The following OR1R1 variants were observed in gnomAD, a reference collection of about 807,000 sequenced individuals.
OR1R1 encodes olfactory receptor 1R1.
the OR1R1 span, chr17:3,386,311 C>G: frequency 1.3e-5 from 5 of 398,288 alleles, no homozygotes; most frequent in Non-Finnish European, 2.2e-5. Context: ...GGCGGCGTGC[C>G]GGCCCCTGCG....
At chr17:3,386,372 C>T in the OR1R1 span, 3 of 398,352 alleles carry the variant, frequency 7.5e-6, no homozygotes, top group African/African-American at 2.1e-5. Context: ...GTGCGTGCGT[C>T]GTGGGCCGTG....
At chr17:3,386,391 G>C in the OR1R1 span, 1 of 398,434 alleles carries the variant, frequency 2.5e-6, no homozygotes, top group Non-Finnish European at 4.4e-6. Context: ...TGACGCACCT[G>C]CACTCGCTGC....
the OR1R1 span, chr17:3,386,352 C>T: frequency 2.5e-6 from 1 of 398,350 alleles, no homozygotes; most frequent in Admixed American, 4.4e-5. Context: ...CATGGCGCTG[C>T]GCCTCGCTGG....
At chr17:3,385,973 T>C in the OR1R1 span, 1 of 384,976 alleles carries the variant, frequency 2.6e-6, no homozygotes. Flanking sequence ...TTCCTCCTCC[T>C]CGGCCTGGTG....
chr17:3,386,267 A>T, the OR1R1 span: 2 of 398,202 alleles, frequency 5.0e-6, no homozygotes, highest in Non-Finnish European at 8.8e-6. Context: ...ACCGAGAGCT[A>T]CCTCCTGGCG....
chr17:3,386,722 G>A, the OR1R1 span: 1 of 398,624 alleles, frequency 2.5e-6, no homozygotes, highest in Non-Finnish European at 4.4e-6. Context: ...GCCGTCGTCT[G>A]CCTACTCAGC....
At chr17:3,385,975 G>C in the OR1R1 span, 4 of 381,592 alleles carry the variant, frequency 1.0e-5, no homozygotes, top group African/African-American at 6.7e-5. Flanking sequence ...CCTCCTCCTC[G>C]GCCTGGTGGA....
At chr17:3,386,566 C>G in the OR1R1 span, 6 of 398,354 alleles carry the variant, frequency 1.5e-5, no homozygotes, top group Admixed American at 2.2e-4. Flanking sequence ...CCCGCTGCTC[C>G]TCGTGTTCCT....
the OR1R1 span, chr17:3,386,541 G>T: frequency 5.0e-6 from 2 of 398,434 alleles, no homozygotes; most frequent in Non-Finnish European, 4.4e-6. Context: ...CCGAGGGCCT[G>T]GCCGTGGTGT....
chr17:3,386,318 T>C, the OR1R1 span: 1 of 398,248 alleles, frequency 2.5e-6, no homozygotes, highest in Non-Finnish European at 4.4e-6. Flanking sequence ...TGCCGGCCCC[T>C]GCGCTACGGC....
At chr17:3,386,817 G>A in the OR1R1 span, 1 of 398,650 alleles carries the variant, frequency 2.5e-6, no homozygotes, top group Non-Finnish European at 4.4e-6. Flanking sequence ...GCAACAAAGA[G>A]GTCAAGGGCG....
chr17:3,385,932 G>A, the OR1R1 span: 2 of 398,626 alleles, frequency 5.0e-6, no homozygotes, highest in Non-Finnish European at 8.8e-6. Context: ...TCCACTCCAT[G>A]GCTCCGACCA....
chr17:3,386,282 T>A, the OR1R1 span: 2 of 398,338 alleles, frequency 5.0e-6, no homozygotes, highest in East Asian at 3.6e-5. Context: ...CTGGCGGCCA[T>A]GTCCTACGAC....
chr17:3,386,695 C>T, the OR1R1 span: 11 of 398,560 alleles, frequency 2.8e-5, no homozygotes, highest in Non-Finnish European at 4.9e-5. Flanking sequence ...TGGCTCTGTC[C>T]TCTCCGTGTA....
chr17:3,386,032 TATCTGCTCA>T, the OR1R1 span: 1 of 398,756 alleles, frequency 2.5e-6, no homozygotes, highest in Non-Finnish European at 4.4e-6. Context: ...CCTTGGCATC[TATCTGCTCA>T]ACGCCCTGAG....
At chr17:3,386,864 A>C in the OR1R1 span, 1 of 398,486 alleles carries the variant, frequency 2.5e-6, no homozygotes, top group South Asian at 1.3e-4. Context: ...GCTGCACCCC[A>C]AGAGGCGTGA....
the OR1R1 span, chr17:3,386,870 C>G: frequency 2.5e-6 from 1 of 398,334 alleles, no homozygotes; most frequent in Admixed American, 4.4e-5. Context: ...CCCCAAGAGG[C>G]GTGAGGGCAA....
the OR1R1 span, chr17:3,386,250 GGGCATCACCGAGAGCTACCTCCT>G: frequency 1.3e-5 from 5 of 398,772 alleles, no homozygotes; most frequent in East Asian, 1.8e-4. Context: ...TCGTGGCTCT[GGGCATCACCGAGAGCTACCTCCT>G]GGCGGCCATG....
chr17:3,386,408 C>A, the OR1R1 span: 1 of 398,562 alleles, frequency 2.5e-6, no homozygotes. Context: ...CTGCTGCACA[C>A]GCTGCTCCTC....
Sources: allele counts gnomAD v4.1 joint callset, GRCh38; gene constraint gnomAD v4.1.1; transcripts MANE v1.5; gene names NCBI Gene and HGNC (gene_info 2026-07-23, HGNC 2026-07-21).